CCND3: variants seen among roughly 807,000 people sequenced by gnomAD.
The protein encoded by CCND3 is cyclin D3.
Under a neutral mutation model 28.7 loss-of-function variants are expected in CCND3, and 9 were observed. That is an observed-to-expected ratio of 0.31 (90% CI 0.19 to 0.55). CCND3 has a LOEUF of 0.55. Ranked by LOEUF, CCND3 falls within the 20% of genes least tolerant of loss-of-function variation. The pLI is 0.93. For synonymous variants in CCND3, 164 were observed against 163.9 expected (o/e 1.00, Z 0.00); for missense variants, 315 against 385.8 (o/e 0.82, Z 1.54).
At chr6:42,031,964 T>A (rs1319861813) in intron 1 of CCND3, among the ~76,000 whole-genome samples, 1 of 152,132 alleles carries the variant, frequency 6.6e-6, no homozygotes, top group Non-Finnish European at 1.5e-5. Flanking sequence ...TAATTTTTTG[T>A]ATTTTTAATA....
intron 1 of CCND3, among the ~76,000 whole-genome samples, chr6:41,951,531 C>G (rs1776311590): frequency 7.5e-6 from 1 of 133,266 alleles, no homozygotes; most frequent in African/African-American, 2.8e-5. Context: ...CACTGCACTC[C>G]AGCCTGAGCG....
intron 1 of CCND3, among the ~76,000 whole-genome samples, chr6:41,979,568 T>C (rs1762279297): frequency 1.3e-5 from 2 of 150,356 alleles, no homozygotes; most frequent in Admixed American, 1.3e-4. Context: ...TATATATATG[T>C]TCAATATATT....
intron 1 of CCND3, among the ~76,000 whole-genome samples, chr6:42,047,798 C>T (rs1176337450): frequency 6.6e-6 from 1 of 152,198 alleles, no homozygotes; most frequent in East Asian, 1.9e-4. Flanking sequence ...CTATGCTTTT[C>T]ATCCTTCTGA....
At chr6:41,964,499 AGT>A (rs72237414) in intron 1 of CCND3, among the ~76,000 whole-genome samples, 28,292 of 103,140 alleles carry the variant, frequency 0.27, 3,154 homozygotes, top group Middle Eastern at 0.36. Flanking sequence ...TGTGTGTGTG[AGT>A]GTGTGTGTGT....
At chr6:41,981,311 T>A (rs965416915) in intron 1 of CCND3, among the ~76,000 whole-genome samples, 1 of 151,920 alleles carries the variant, frequency 6.6e-6, no homozygotes, top group African/African-American at 2.4e-5. Flanking sequence ...GTTCAAGCAA[T>A]TCTCTCCCTC....
intron 1 of CCND3, chr6:42,011,062 GAAC>G (rs1763332212): frequency 6.6e-6 from 1 of 151,346 alleles, no homozygotes; most frequent in Non-Finnish European, 1.5e-5. Flanking sequence ...GAATCTGTAA[GAAC>G]AACTGGTAGT....
At chr6:41,982,368 C>T (rs1406701041) in intron 1 of CCND3, among the ~76,000 whole-genome samples, 1 of 151,892 alleles carries the variant, frequency 6.6e-6, no homozygotes, top group Non-Finnish European at 1.5e-5. Context: ...ATTAGAACCC[C>T]TAAAATGAAA....
At chr6:41,993,665 C>A (rs1349720873) in intron 1 of CCND3, among the ~76,000 whole-genome samples, 1 of 151,388 alleles carries the variant, frequency 6.6e-6, no homozygotes, top group Admixed American at 6.6e-5. Flanking sequence ...CCACCTCGGC[C>A]TCCAAAAAAA....
chr6:42,032,393 G>A (rs1274411234), intron 1 of CCND3, among the ~76,000 whole-genome samples: 1 of 152,172 alleles, frequency 6.6e-6, no homozygotes, highest in African/African-American at 2.4e-5. Context: ...CAGCTGACAA[G>A]GTTTTTTCTG....
At chr6:42,049,037 T>C (rs1764641093), upstream of CCND3, 1 of 167,458 alleles carries the variant, frequency 6.0e-6, no homozygotes, top group Non-Finnish European at 1.3e-5. Context: ...CGACTTCTTT[T>C]TCTTTTTCTT....
intron 1 of CCND3, among the ~76,000 whole-genome samples, chr6:42,003,630 A>G (rs1269609806): frequency 6.6e-6 from 1 of 151,636 alleles, no homozygotes; most frequent in East Asian, 1.9e-4. Flanking sequence ...CAGAAAATAA[A>G]CAGTAGAAAA....
chr6:41,995,535 C>T (rs1047358426), intron 1 of CCND3, among the ~76,000 whole-genome samples: 5 of 151,934 alleles, frequency 3.3e-5, no homozygotes, highest in African/African-American at 4.8e-5. Flanking sequence ...GGATTACAGG[C>T]GTGAGCCACT....
chr6:42,008,108 C>T (rs12200559), intron 1 of CCND3, among the ~76,000 whole-genome samples: 28,607 of 151,900 alleles, frequency 0.19, 2,929 homozygotes, highest in Middle Eastern at 0.23. Context: ...TGGCTAGGCG[C>T]GGTGGCTCAC....
At chr6:41,979,010 A>C (rs925320161) in intron 1 of CCND3, among the ~76,000 whole-genome samples, 7 of 151,646 alleles carry the variant, frequency 4.6e-5, no homozygotes. Flanking sequence ...TGTCTCTATT[A>C]AAAATACAAA....
At chr6:42,009,901 T>A (rs1010807678) in intron 1 of CCND3, among the ~76,000 whole-genome samples, 5 of 152,104 alleles carry the variant, frequency 3.3e-5, no homozygotes, top group Non-Finnish European at 5.9e-5. Context: ...ATCAACAACT[T>A]AGAAATGCAG....
intron 1 of CCND3, among the ~76,000 whole-genome samples, chr6:41,978,697 T>C (rs1013290051): frequency 3.3e-5 from 5 of 152,262 alleles, no homozygotes; most frequent in African/African-American, 1.2e-4. Flanking sequence ...TCATGAAAGC[T>C]ATGACTTGTG....
intron 1 of CCND3, among the ~76,000 whole-genome samples, chr6:42,030,934 G>A (rs908122683): frequency 2.6e-5 from 4 of 152,050 alleles, no homozygotes; most frequent in South Asian, 4.1e-4. Context: ...GGGGTGGGGT[G>A]CAGGAAGGCA....
At chr6:41,959,083 G>A (rs1761623420) in intron 1 of CCND3, among the ~76,000 whole-genome samples, 1 of 151,992 alleles carries the variant, frequency 6.6e-6, no homozygotes, top group South Asian at 2.1e-4. Flanking sequence ...GGGAGGCCGA[G>A]GCTGGTGGAT....
chr6:42,015,338 G>C (rs556614993), intron 1 of CCND3, among the ~76,000 whole-genome samples: 15 of 152,206 alleles, frequency 9.9e-5, no homozygotes, highest in African/African-American at 3.4e-4. Context: ...AGCTGAATGA[G>C]GACTATGTGA....
Sources: gnomAD v4.1 joint callset for allele counts (sites outside exome capture counted in the v4.1 genomes callset) on GRCh38, gnomAD v4.1.1 for gene constraint, MANE v1.5 for transcripts, NCBI Gene and HGNC (gene_info 2026-07-23, HGNC 2026-07-21) for gene names.